The following IL17RA variants were observed in gnomAD, a reference collection of about 807,000 sequenced individuals.
IL17RA encodes the protein interleukin 17 receptor A, also known as interleukin-17 receptor A.
Under a neutral mutation model 50.4 loss-of-function variants are expected in IL17RA, and 34 were observed. The observed-to-expected ratio is 0.67, with a 90% CI of 0.51 to 0.90. IL17RA has a LOEUF of 0.90. Among genes scored for constraint, IL17RA ranks in the 40% least tolerant of loss-of-function variants. The pLI is 0.00. For synonymous variants in IL17RA, 585 were observed against 510.4 expected, an observed-to-expected ratio of 1.15 and a Z score of -1.97; for missense variants, 1,276 against 1,169.8, an observed-to-expected ratio of 1.09 and a Z score of -1.32.
chr22:17,093,784 A>G, intron 1 of IL17RA: 1 of 184,378 alleles, frequency 5.4e-6, no homozygotes, highest in Admixed American at 5.2e-5. Context: ...AGCTTTGTTG[A>G]GCCTGGTGTT....
chr22:17,087,856 A>G (rs1489360786), intron 1 of IL17RA, among the ~76,000 whole-genome samples: 1 of 152,260 alleles, frequency 6.6e-6, no homozygotes, highest in African/African-American at 2.4e-5. Flanking sequence ...TTTCATAGAC[A>G]GGATGTGTAT....
In IL17RA at chr22:17,111,795, G is replaced by C. The variant is rs1601352819; in HGVS notation, c.*1975G>C. The stretch of plus-strand genomic sequence containing the variant: ...AAAAGTGCATAAATTTGTTGATCTG[G>C]TAAGAGTTTCTAGCAGGAAGGTCGA... On this transcript the variant is annotated 3_prime_UTR_variant, in exon 13 of 13. Coordinates refer to ENST00000319363, the MANE Select transcript of IL17RA (RefSeq NM_014339.7). The C allele has an allele frequency of 6.6e-6, 1 of 152,318 alleles. No individual in the cohort carries two copies. The highest frequency in any genetic ancestry group is 1.5e-5 in the Non-Finnish European group (1 of 68,042). The allele number at this position is 152,318 out of a possible 1,614,324, so 9.4% of individuals were successfully genotyped here.
chr22:17,089,785 A>T (rs992982652), intron 1 of IL17RA, among the ~76,000 whole-genome samples: 9 of 151,870 alleles, frequency 5.9e-5, no homozygotes, highest in African/African-American at 2.2e-4. Flanking sequence ...AAGTGGGAGG[A>T]TCTCTTGCGC....
At chr22:17,093,881 A>G (rs1415390992) in intron 1 of IL17RA, 1 of 152,472 alleles carries the variant, frequency 6.6e-6, no homozygotes. Flanking sequence ...CGTCCCCTCC[A>G]TGGGTGTGCT....
chr22:17,105,900 C>A lies in IL17RA; in HGVS notation c.991C>A (p.Leu331Met), dbSNP rs2061413080. 1 of 1,614,090 alleles carries A rather than the reference C, an allele frequency of 6.2e-7. No homozygotes were observed. The highest frequency in any genetic ancestry group is 8.5e-7 in the Non-Finnish European group (1 of 1,180,038). ...CTGGTTCATCACGGGCATCTCCATC[C>A]TGCTGGTGGGCTCCGTCATCCTGCT... is the stretch of plus-strand genomic sequence containing the variant. Reference protein sequence around the residue: ...VYWFITGISILLVGSVILLIV... With the variant: ...VYWFITGISIMLVGSVILLIV... The change falls in exon 11 of 13, where the codon CTG (leucine) becomes ATG (methionine). Residue 331 changes from leucine (L) to methionine (M), a missense_variant. Coordinates refer to ENST00000319363, the MANE Select transcript of IL17RA (RefSeq NM_014339.7).
chr22:17,094,832 A>G (rs952241284), intron 1 of IL17RA, among the ~76,000 whole-genome samples: 3 of 150,386 alleles, frequency 2.0e-5, no homozygotes, highest in African/African-American at 7.4e-5. Flanking sequence ...CTGCAGGTCA[A>G]CAGATGTCTA....
chr22:17,099,242 T>C (rs1300642454), intron 4 of IL17RA, among the ~76,000 whole-genome samples: 1 of 152,190 alleles, frequency 6.6e-6, no homozygotes, highest in Non-Finnish European at 1.5e-5. Context: ...ATCTTTTATG[T>C]GTAACTTGGA....
chr22:17,101,603 T>C (rs1010500539), intron 5 of IL17RA, among the ~76,000 whole-genome samples: 3 of 152,244 alleles, frequency 2.0e-5, no homozygotes, highest in African/African-American at 7.2e-5. Flanking sequence ...TTCTCGCTTC[T>C]GTTCCTAAAG....
At chr22:17,096,838 C>G (rs375593176) in intron 1 of IL17RA, among the ~76,000 whole-genome samples, 2 of 149,398 alleles carry the variant, frequency 1.3e-5, no homozygotes, top group Admixed American at 6.7e-5. Context: ...CCACTGCACT[C>G]CAGCCTGGGC....
At position 17,109,638 on chromosome 22, in the gene IL17RA, G is replaced by T; in HGVS notation, c.2419G>T (p.Gly807Ter). 1 of 1,608,598 alleles carries T rather than the reference G, an allele frequency of 6.2e-7. No individual in the cohort carries two copies. Among genetic ancestry groups the T allele is most frequent in the African/African-American group, 1.3e-5 (1 of 74,992 alleles). The change falls in exon 13 of 13, where the codon GGA (glycine) becomes TGA (stop). Residue 807 changes from glycine to a stop codon, truncating the protein, a stop_gained. Transcript: ENST00000319363. LOFTEE classifies it low-confidence loss of function (END_TRUNC). ...CAGGAGCTCCCCGCAGCCCCCCGAG[G>T]GACTCACGGAAATGGAGGAAGAGGA... ...ISRSSPQPPEGLTEMEEEEEE... is the reference protein window; with the variant it reads ...ISRSSPQPPE
chr22:17,103,702 G>A (rs1325752149), intron 8 of IL17RA, 125 bp downstream of exon 8: 14 of 782,452 alleles, frequency 1.8e-5, no homozygotes, highest in Admixed American at 1.0e-4. Context: ...TGCACAGGTG[G>A]AGAGAGTGGT....
intron 1 of IL17RA, among the ~76,000 whole-genome samples, chr22:17,087,448 G>T (rs1401406025): frequency 6.6e-6 from 1 of 152,246 alleles, no homozygotes; most frequent in African/African-American, 2.4e-5. Flanking sequence ...CTCAGACAGG[G>T]AGGAGGCTTC....
rs1568917416 is a variant in IL17RA at position 17,094,673 on chromosome 22, C to CTATATATATATATATGTGTATATATATA, written c.139-2388_139-2387insATATATATATATATGTGTATATATATAT. Among the ~76,000 whole-genome samples, 48 of 47,852 alleles carry CTATATATATATATATGTGTATATATATA rather than the reference C, an allele frequency of 1.0e-3. 2 individuals carry two copies. Among genetic ancestry groups the CTATATATATATATATGTGTATATATATA allele is most frequent in the African/African-American group, 4.2e-3 (42 of 9,988 alleles). The allele number at this position is 47,852 out of a possible 152,430, so 31.4% of individuals were successfully genotyped here. On this transcript the variant is annotated intron_variant, in intron 1 of 12. Coordinates refer to ENST00000319363, the MANE Select transcript of IL17RA (RefSeq NM_014339.7). ...ATACACACACTCTCTCTCTCTCTCTCTCTCTCTCTCTCTCTCTCTATATAT... is the reference window on the plus strand; with the variant it reads ...ATACACACACTCTCTCTCTCTCTCTCTATATATATATATATGTGTATATATATATCTCTCTCTCTCTCTCTCTATATAT...
chr22:17,105,808 AG>A (rs1398150791), intron 10 of IL17RA, 44 bp from the exon 11 acceptor site: 1 of 1,535,928 alleles, frequency 6.5e-7, no homozygotes, highest in Non-Finnish European at 8.9e-7. Context: ...CAGGGTGGGC[AG>A]GGCAGGCCCC....
At position 17,108,691 on chromosome 22, in the gene IL17RA, A is replaced by G. The variant is rs748447966; in HGVS notation, c.1472A>G (p.Lys491Arg). 6 of 1,609,456 alleles carry G rather than the reference A, an allele frequency of 3.7e-6. No homozygotes were observed. In the Admixed American group the frequency reaches 1.0e-4, roughly 27 times the overall value. Residue 491 changes from lysine to arginine, a missense_variant, in exon 13 of 13, where the codon AAG becomes AGG. By Grantham distance (26) the Lys-to-Arg change is conservative (BLOSUM62 2). Coordinates refer to ENST00000319363, the MANE Select transcript of IL17RA (RefSeq NM_014339.7). ...AAMNMILPDF[K>R]RPACFGTYVV... ...ATGAACATGATCCTCCCGGACTTCA[A>G]GAGGCCAGCCTGCTTCGGCACCTAC... is the stretch of plus-strand genomic sequence containing the variant.
At chr22:17,094,184 A>G (rs998565335) in intron 1 of IL17RA, among the ~76,000 whole-genome samples, 3 of 151,968 alleles carry the variant, frequency 2.0e-5, no homozygotes, top group Non-Finnish European at 4.4e-5. Context: ...GGGTTTCACC[A>G]TCTCTTGGCC....
rs1201141781 is a variant in IL17RA, at chr22:17,094,652, ACACACT to A, written c.139-2408_139-2403del. 3.4e-4 allele frequency among the ~76,000 whole-genome samples: 6 copies of A among 17,738 alleles called. 1 individual carries two copies. The highest frequency in any genetic ancestry group is 7.8e-4 in the African/African-American group (2 of 2,578). 11.6% of individuals were successfully genotyped at this position (17,738 alleles called of 152,430 possible). ...TGTTTCTATTCTCATTTAGTCATAC[ACACACT>A]CTCTCTCTCTCTCTCTCTCTCTCTC... On this transcript the variant is annotated intron_variant, in intron 1 of 12. Transcript: ENST00000319363.
intron 7 of IL17RA, among the ~76,000 whole-genome samples, chr22:17,102,933 G>A (rs1182071340): frequency 6.6e-6 from 1 of 152,230 alleles, no homozygotes; most frequent in Non-Finnish European, 1.5e-5. Context: ...CTTGAGGTCA[G>A]GAGTTCGAGA....
intron 1 of IL17RA, among the ~76,000 whole-genome samples, chr22:17,089,634 A>G (rs1375671434): frequency 6.6e-6 from 1 of 152,198 alleles, no homozygotes; most frequent in African/African-American, 2.4e-5. Flanking sequence ...GCATTTTGGG[A>G]GGCTGAGGCA....
Sources: allele counts gnomAD v4.1 joint callset (sites outside exome capture counted in the v4.1 genomes callset), GRCh38; gene constraint gnomAD v4.1.1; transcripts MANE v1.5; gene names NCBI Gene and HGNC (gene_info 2026-07-23, HGNC 2026-07-21).